The following MAPK3 variants were observed in gnomAD, a reference collection of about 807,000 sequenced individuals.
MAPK3 encodes the protein mitogen-activated protein kinase 3, also known as MAPK 1.
In MAPK3, 30 loss-of-function variants were observed where a neutral mutation model predicts 41.8. That is an observed-to-expected ratio of 0.72 (90% confidence interval 0.54 to 0.97). MAPK3 has a LOEUF of 0.97. MAPK3 is among the 50% of genes least tolerant of loss of function. The pLI is 0.00. For missense variants in MAPK3, 413 were observed against 509.9 expected, an observed-to-expected ratio of 0.81 and a Z score of 1.83; for synonymous variants, 222 against 213.4, an observed-to-expected ratio of 1.04 and a Z score of -0.35.
chr16:30,121,134 A>G (rs1353142364), intron 2 of MAPK3, among the ~76,000 whole-genome samples: 2 of 150,486 alleles, frequency 1.3e-5, no homozygotes, highest in African/African-American at 4.9e-5. Flanking sequence ...TTTGAGACAG[A>G]GTCTCGCTCT....
chr16:30,116,392 T>C (rs1355815658), intron 8 of MAPK3, among the ~76,000 whole-genome samples: 1 of 151,592 alleles, frequency 6.6e-6, no homozygotes, highest in Non-Finnish European at 1.5e-5. Context: ...CAGGCTGGTC[T>C]CAAACTCCTG....
chr16:30,117,370 C>T, intron 5 of MAPK3, 85 bp from the exon 6 acceptor site: 1 of 1,400,842 alleles, frequency 7.1e-7, no homozygotes, highest in East Asian at 2.4e-5. Context: ...CAAGACCCCC[C>T]AGCCCAGCAA....
chr16:30,115,016 C>T (rs905971651), intron 8 of MAPK3, among the ~76,000 whole-genome samples: 11 of 150,598 alleles, frequency 7.3e-5, no homozygotes, highest in African/African-American at 7.4e-5. Context: ...GGTGGTGGAT[C>T]GCTTGAGCCC....
In MAPK3 at chr16:30,117,804, G is replaced by A. The variant is rs756434399; in HGVS notation, c.661-20C>T. On this transcript the variant is annotated intron_variant, in intron 4 of 8. Transcript: ENST00000263025. ...ATAGCCCTGGGGGAGAGGAGGAAGT[G>A]GTGAGCTCCTGGGCCAGCCTCAACA... 2.5e-6 allele frequency: 4 copies of A among 1,578,906 alleles called. No individual in the cohort carries two copies. The highest frequency in any genetic ancestry group is 3.5e-6 in the Non-Finnish European group (4 of 1,148,188).
chr16:30,118,106 G>A lies in MAPK3; in HGVS notation c.601C>T (p.Leu201=). ...ADPEHDHTGF[L]TEYVATRWYR... The stretch of plus-strand genomic sequence containing the variant: ...CAGCGCGTAGCCACATACTCCGTCA[G>A]GAAGCCGGTGTGGTCATGCTCAGGA... Residue 201 remains leucine, a synonymous_variant, in exon 4 of 9, where the codon CTG becomes TTG. Transcript: ENST00000263025. 1 of 1,614,184 alleles carries A rather than the reference G, an allele frequency of 6.2e-7. No homozygotes were observed. Among genetic ancestry groups the A allele is most frequent in the Non-Finnish European group, 8.5e-7 (1 of 1,180,034 alleles).
chr16:30,121,903 G>C lies in MAPK3; in HGVS notation c.274C>G (p.Leu92Val), dbSNP rs1209777305. The change falls in exon 2 of 9, where the codon CTG (leucine) becomes GTG (valine). Residue 92 changes from leucine (L) to valine (V), a missense_variant. Physicochemically the swap from Leu to Val is conservative, Grantham distance 32. Coordinates refer to ENST00000263025, the MANE Select transcript of MAPK3 (RefSeq NM_002746.3). The stretch of plus-strand genomic sequence containing the variant: ...ACATTCTCATGGCGGAAGCGCAGCA[G>C]GATCTGGATCTCCCGGAGCGTGCGC... ...CQRTLREIQI[L>V]LRFRHENVIG... 17 of 1,614,194 alleles carry C rather than the reference G, an allele frequency of 1.1e-5. No homozygotes were observed. The highest frequency in any genetic ancestry group is 1.4e-5 in the Non-Finnish European group (17 of 1,180,028).
chr16:30,118,386 G>A lies in MAPK3; in HGVS notation c.506C>T (p.Pro169Leu). Residue 169 changes from proline to leucine, a missense_variant, in exon 3 of 9, where the codon CCC (proline) becomes CTC (leucine). This residue lies in a region of MAPK3 where 140 missense variants were observed against 206.0 expected (regional missense o/e 0.68). Coordinates refer to ENST00000263025, the MANE Select transcript of MAPK3 (RefSeq NM_002746.3). ...SANVLHRDLK[P>L]SNLLINTTCD... ...GGTGGTGTTGATGAGCAGGTTGGAG[G>A]GCTTTAGATCTCGGTGGAGCACGTT... is the stretch of plus-strand genomic sequence containing the variant. The A allele has an allele frequency of 6.2e-7, 1 of 1,613,670 alleles. No individual in the cohort carries two copies. The highest frequency in any genetic ancestry group is 8.5e-7 in the Non-Finnish European group (1 of 1,179,718).
chr16:30,122,686 C>T (rs2073028577), intron 1 of MAPK3: 1 of 212,740 alleles, frequency 4.7e-6, no homozygotes, highest in Non-Finnish European at 9.4e-6. Context: ...AACGGGCCCT[C>T]CACTGCCTCT....
intron 5 of MAPK3, among the ~76,000 whole-genome samples, 162 bp from the exon 6 acceptor site, chr16:30,117,447 C>T (rs1032415302): frequency 2.0e-5 from 3 of 152,114 alleles, no homozygotes; most frequent in Admixed American, 6.6e-5. Context: ...GGGCTGGGTT[C>T]AGGCAGACCG....
At chr16:30,114,984 T>G (rs1256097203) in intron 8 of MAPK3, among the ~76,000 whole-genome samples, 1 of 149,946 alleles carries the variant, frequency 6.7e-6, no homozygotes, top group Non-Finnish European at 1.5e-5. Flanking sequence ...ACGCCTATAA[T>G]CCCAGCACTT....
chr16:30,117,118 A>G (rs769864747), intron 6 of MAPK3, 36 bp downstream of exon 6: 20 of 1,612,626 alleles, frequency 1.2e-5, no homozygotes, highest in African/African-American at 2.7e-5. Context: ...ACGACACCCA[A>G]GGTTTATCCC....
chr16:30,122,332 G>A (rs2073024813), intron 1 of MAPK3: 2 of 401,222 alleles, frequency 5.0e-6, no homozygotes, highest in African/African-American at 2.0e-5. Context: ...CCCAAGACAG[G>A]TCCGGGGGTG....
Position 30,116,791 on chromosome 16 carries a change from C to CTGGGG in MAPK3, c.1018-6_1018-2dup. 6.2e-7 allele frequency: 1 copy of CTGGGG among 1,613,908 alleles called. No individual in the cohort carries two copies. Among genetic ancestry groups the CTGGGG allele is most frequent in the Non-Finnish European group, 8.5e-7 (1 of 1,179,986 alleles). Reference sequence around the variant, plus strand: ...AGGTGAAGGGCTCCTCGGCCACTGGCTGGGGTGGTAGAGACAGCAAGGCTC... The same window carrying CTGGGG: ...AGGTGAAGGGCTCCTCGGCCACTGGCTGGGGTGGGGTGGTAGAGACAGCAAGGCTC... On this transcript the variant is annotated splice_acceptor_variant, in intron 7 of 8. Coordinates refer to ENST00000263025, the MANE Select transcript of MAPK3 (RefSeq NM_002746.3). LOFTEE classifies it high-confidence loss of function.
At chr16:30,118,019 C>T (rs2072975991) in intron 4 of MAPK3, 28 bp downstream of exon 4, 2 of 1,597,206 alleles carry the variant, frequency 1.3e-6, no homozygotes, top group Non-Finnish European at 1.7e-6. Flanking sequence ...CTGGTCCGTT[C>T]CTTTCAGGAG....
intron 4 of MAPK3, 101 bp from the exon 5 acceptor site, chr16:30,117,885 G>T: frequency 9.0e-7 from 1 of 1,109,600 alleles, no homozygotes. Context: ...ACACCAGGCA[G>T]AAGGCAGAGG....
At chr16:30,118,246 T>C in intron 3 of MAPK3, 83 bp from the exon 4 acceptor site, 2 of 1,567,548 alleles carry the variant, frequency 1.3e-6, no homozygotes, top group Non-Finnish European at 8.7e-7. Context: ...TTGCCTCCAC[T>C]GTTCCCTTTG....
In MAPK3 at chr16:30,118,072, G is replaced by A; in HGVS notation, c.635C>T (p.Ala212Val). 1 of 1,614,028 alleles carries A rather than the reference G, an allele frequency of 6.2e-7. No homozygotes were observed. Among genetic ancestry groups the A allele is most frequent in the Non-Finnish European group, 8.5e-7 (1 of 1,179,986 alleles). The change falls in exon 4 of 9, where the codon GCC becomes GTC. Residue 212 changes from alanine to valine, a missense_variant. Around this residue, in one of 4 missense-constraint regions of MAPK3, gnomAD observed 140 missense variants for 206.0 expected, o/e 0.68. Coordinates refer to ENST00000263025, the MANE Select transcript of MAPK3 (RefSeq NM_002746.3). ...CTTGGAGTTCAGCATGATCTCTGGGGCCCGGTACCAGCGCGTAGCCACATA... is the reference window on the plus strand; with the variant it reads ...CTTGGAGTTCAGCATGATCTCTGGGACCCGGTACCAGCGCGTAGCCACATA... ...TEYVATRWYR[A>V]PEIMLNSKGY... is the part of the protein sequence containing the mutation.
Position 30,116,944 on chromosome 16 carries a change from C to T in MAPK3, c.967G>A (p.Glu323Lys), listed in dbSNP as rs55859133. 2,703 of 1,613,754 alleles carry T rather than the reference C, an allele frequency of 1.7e-3. 6 individuals are homozygous for T. Among genetic ancestry groups the T allele is most frequent in the Non-Finnish European group, 1.8e-3 (2,136 of 1,179,828 alleles). The change falls in exon 7 of 9, where the codon GAA becomes AAA. Residue 323 changes from glutamate to lysine, a missense_variant. Glu to Lys is a moderately conservative substitution (Grantham distance 56). Transcript: ENST00000263025. ...FNPNKRITVE[E>K]ALAHPYLEQY... The stretch of plus-strand genomic sequence containing the variant: ...TCCAGGTAGGGGTGAGCCAGCGCTT[C>T]CTCCACTGTGATCCGTTTATTGGGG...
intron 1 of MAPK3, 44 bp downstream of exon 1, chr16:30,122,995 GC>G: frequency 7.2e-7 from 1 of 1,383,254 alleles, no homozygotes; most frequent in Non-Finnish European, 9.5e-7. Context: ...CTCCCGCGAA[GC>G]CCCCTCCCCT....
Sources: gnomAD v4.1 joint callset for allele counts (sites outside exome capture counted in the v4.1 genomes callset) on GRCh38, gnomAD v4.1.1 for gene constraint, gnomAD v4.1.1 regional missense constraint, MANE v1.5 for transcripts, NCBI Gene and HGNC (gene_info 2026-07-23, HGNC 2026-07-21) for gene names.